Variants in REV3L observed in about 807,000 individuals in gnomAD.
REV3L encodes REV3 like, DNA directed polymerase zeta catalytic subunit, also known as DNA polymerase zeta catalytic subunit.
REV3L carries 69 observed loss-of-function variants against 299.4 expected under a neutral mutation model. The observed-to-expected ratio is 0.23, with a 90% confidence interval of 0.19 to 0.28. REV3L has a LOEUF of 0.28. REV3L is among the 10% of genes least tolerant of loss of function. The pLI is 1.00. For missense variants in REV3L, 3,128 were observed against 3,693.8 expected, an observed-to-expected ratio of 0.85 and a Z score of 3.97; for synonymous variants, 1,238 against 1,271.4, an observed-to-expected ratio of 0.97 and a Z score of 0.56.
At chr6:111,475,020 CACAT>C (rs1487795108) in intron 1 of REV3L, among the ~76,000 whole-genome samples, 45 of 137,198 alleles carry the variant, frequency 3.3e-4, no homozygotes, top group African/African-American at 1.0e-3. Flanking sequence ...CACACACACA[CACAT>C]ATGGATTTTA....
At chr6:111,457,698 C>A (rs962856072) in intron 1 of REV3L, among the ~76,000 whole-genome samples, 2 of 151,502 alleles carry the variant, frequency 1.3e-5, no homozygotes, top group Non-Finnish European at 3.0e-5. Flanking sequence ...ACAAAGCATA[C>A]AAGAGCAATT....
At chr6:111,405,864 C>A (rs1783562368) in intron 3 of REV3L, among the ~76,000 whole-genome samples, 1 of 151,664 alleles carries the variant, frequency 6.6e-6, no homozygotes. Flanking sequence ...TTGTCTTAAA[C>A]CAATTTGATA....
In REV3L at chr6:111,482,654, C is replaced by T. The variant is rs545747752; in HGVS notation, c.139+96G>A. On this transcript the variant is annotated intron_variant, in intron 1 of 31. Transcript: ENST00000368802. ...ACGCGGCAGCGATCCACGGAGACGG[C>T]CGGCGCCGGTGGCGTGTGCGCGTGT... The T allele has an allele frequency of 6.7e-4, 505 of 751,700 alleles. 2 individuals carry two copies. In the African/African-American group the frequency reaches 9.1e-3, roughly 14 times the overall value. 46.6% of individuals were successfully genotyped at this position (751,700 alleles called of 1,614,324 possible).
rs530148732 is a variant in REV3L, at chr6:111,446,841, G to A, written c.140-30369C>T. ...CTAGTATTTGATACTGAGATTAGTG[G>A]CTATGGCATTTTAAAGAGATAGGCA... On this transcript the variant is annotated intron_variant, in intron 1 of 31. Coordinates refer to ENST00000368802, the MANE Select transcript of REV3L (RefSeq NM_001372078.1). Among the ~76,000 whole-genome samples, 4 of 152,208 alleles carry A rather than the reference G, an allele frequency of 2.6e-5. 1 individual carries two copies. Among genetic ancestry groups the A allele is most frequent in the East Asian group, 1.9e-4 (1 of 5,184 alleles).
At chr6:111,321,478 A>C (rs1774186073) in intron 26 of REV3L, among the ~76,000 whole-genome samples, 1 of 152,178 alleles carries the variant, frequency 6.6e-6, no homozygotes, top group Admixed American at 6.5e-5. Flanking sequence ...ATTTTGCTGG[A>C]ATACCCAGCA....
chr6:111,374,128 T>G lies in REV3L; in HGVS notation c.4227A>C (p.Ser1409=), dbSNP rs376857060. Residue 1409 remains serine (S), a synonymous_variant, in exon 13 of 32, where the codon TCA becomes TCC. Coordinates refer to ENST00000368802, the MANE Select transcript of REV3L (RefSeq NM_001372078.1). ...KLSEYRNSLE[S]KLDQAYTPNF... ...TAGGGGTATATGCTTGGTCCAGCTT[T>G]GATTCTAGGGAATTGCGATATTCAC... 6.2e-7 allele frequency: 1 copy of G among 1,614,194 alleles called. No homozygotes were observed. Among genetic ancestry groups the G allele is most frequent in the Non-Finnish European group, 8.5e-7 (1 of 1,180,008 alleles).
chr6:111,408,109 C>T lies in REV3L; in HGVS notation c.405-2479G>A, dbSNP rs534038107. Among the ~76,000 whole-genome samples the T allele has an allele frequency of 5.9e-4, 90 of 152,130 alleles. No homozygotes were observed. The South Asian group carries it at 8.7e-3, about 15-fold the overall frequency. Reference sequence around the variant, plus strand: ...AATTGGAAAGAAAGACGGGAATAGCCGACAGATGGAAGCGATCCTTGAAAA... The same window carrying T: ...AATTGGAAAGAAAGACGGGAATAGCTGACAGATGGAAGCGATCCTTGAAAA... On this transcript the variant is annotated intron_variant, in intron 3 of 31. Coordinates refer to ENST00000368802, the MANE Select transcript of REV3L (RefSeq NM_001372078.1).
intron 3 of REV3L, among the ~76,000 whole-genome samples, chr6:111,408,700 C>G (rs1174666789): frequency 6.6e-6 from 1 of 152,160 alleles, no homozygotes; most frequent in Non-Finnish European, 1.5e-5. Flanking sequence ...TGGTTTATAT[C>G]TACTGATATT....
In REV3L at chr6:111,376,096, A is replaced by G. The variant is rs773554677; in HGVS notation, c.2259T>C (p.Asn753=). ...TATTAAGAGAATGCACCATAGTTCT[A>G]TTCTCCCCTGAGCATGACAGTAATT... ...NCELLSCSGE[N]RTMVHSLNST... Residue 753 remains asparagine, a synonymous_variant, in exon 13 of 32, where the codon AAT becomes AAC. Transcript: ENST00000368802. 4.3e-6 allele frequency: 7 copies of G among 1,613,568 alleles called. No individual in the cohort carries two copies. The highest frequency in any genetic ancestry group is 5.9e-6 in the Non-Finnish European group (7 of 1,179,936).
intron 1 of REV3L, among the ~76,000 whole-genome samples, chr6:111,450,084 TAAG>T (rs2128315373): frequency 6.6e-6 from 1 of 152,190 alleles, no homozygotes; most frequent in East Asian, 1.9e-4. Context: ...TGAGTAGAAC[TAAG>T]AATATATCAG....
At chr6:111,456,889 T>A (rs1790224213) in intron 1 of REV3L, among the ~76,000 whole-genome samples, 1 of 152,124 alleles carries the variant, frequency 6.6e-6, no homozygotes, top group Non-Finnish European at 1.5e-5. Context: ...GAAACCAGAA[T>A]AACTCTCATT....
intron 1 of REV3L, among the ~76,000 whole-genome samples, chr6:111,442,349 A>G (rs938795252): frequency 7.9e-5 from 12 of 151,978 alleles, no homozygotes; most frequent in African/African-American, 2.9e-4. Flanking sequence ...AGTTTTTTGA[A>G]CTTTTTGTCT....
chr6:111,431,335 A>G lies in REV3L; in HGVS notation c.140-14863T>C. On this transcript the variant is annotated intron_variant, in intron 1 of 31. Coordinates refer to ENST00000368802, the MANE Select transcript of REV3L (RefSeq NM_001372078.1). ...CAAAAGAAATGGAGATTACAGAAGT[A>G]GAGCCACCAGGATGTCTGGACTCCA... 2.8e-6 allele frequency: 3 copies of G among 1,077,418 alleles called. No homozygotes were observed. The South Asian group carries it at 3.7e-5, about 13-fold the overall frequency. 66.7% of individuals were successfully genotyped at this position (1,077,418 alleles called of 1,614,324 possible).
chr6:111,381,443 A>G lies in REV3L; in HGVS notation c.1098T>C (p.Gly366=). Residue 366 remains glycine (G), a splice_region_variant and synonymous_variant, in exon 10 of 32, where the codon GGT becomes GGC. Transcript: ENST00000368802. Reference sequence around the variant, plus strand: ...CTTCTTCCACTTTGTGTCTAGTGTGACCTTAATTTGACAAAGAATAAAAAA... The same window carrying G: ...CTTCTTCCACTTTGTGTCTAGTGTGGCCTTAATTTGACAAAGAATAAAAAA... ...EVHKDKESSK[G]HTRHKVEEAL... 6.3e-7 allele frequency: 1 copy of G among 1,599,302 alleles called. No homozygotes were observed. Among genetic ancestry groups the G allele is most frequent in the South Asian group, 1.1e-5 (1 of 87,882 alleles).
At chr6:111,382,744 TGA>T (rs750410450) in intron 9 of REV3L, among the ~76,000 whole-genome samples, 19 of 152,176 alleles carry the variant, frequency 1.2e-4, no homozygotes, top group Non-Finnish European at 2.1e-4. Context: ...ACGCGCCTGG[TGA>T]GAGAGTAGCT....
At chr6:111,347,205 G>A (rs1777117305) in intron 20 of REV3L, among the ~76,000 whole-genome samples, 1 of 151,938 alleles carries the variant, frequency 6.6e-6, no homozygotes, top group South Asian at 2.1e-4. Context: ...GGAGGCGGAG[G>A]TTGCGGTGAG....
chr6:111,373,673 A>G lies in REV3L; in HGVS notation c.4682T>C (p.Ile1561Thr). 1.2e-6 allele frequency: 2 copies of G among 1,613,970 alleles called. No homozygotes were observed. Among genetic ancestry groups the G allele is most frequent in the Non-Finnish European group, 1.7e-6 (2 of 1,179,986 alleles). ...TTTGTTATGCTCAAGGGAACCAGAAATATTTTTATTTGGTTGATGTTTATT... is the reference window on the plus strand; with the variant it reads ...TTTGTTATGCTCAAGGGAACCAGAAGTATTTTTATTTGGTTGATGTTTATT... ...LSNKHQPNKN[I>T]SGSLEHNKAN... is the part of the protein sequence containing the mutation. Residue 1561 changes from isoleucine (I) to threonine (T), a missense_variant, in exon 13 of 32, where the codon ATT (isoleucine) becomes ACT (threonine). Ile to Thr is a moderately conservative substitution (Grantham distance 89). Transcript: ENST00000368802.
intron 26 of REV3L, 151 bp from the exon 27 acceptor site, chr6:111,315,532 C>T (rs1383302146): frequency 3.3e-6 from 2 of 604,874 alleles, no homozygotes; most frequent in African/African-American, 3.7e-5. Context: ...TATGTAAGCT[C>T]TCCTGTTTTA....
intron 1 of REV3L, among the ~76,000 whole-genome samples, chr6:111,448,442 G>C (rs115710682): frequency 0.036 from 5,454 of 151,844 alleles, 322 homozygotes; most frequent in African/African-American, 0.12. Flanking sequence ...AGGCTCAGAT[G>C]ATCCACCTCA....
Sources: allele counts gnomAD v4.1 joint callset (sites outside exome capture counted in the v4.1 genomes callset), GRCh38; gene constraint gnomAD v4.1.1; transcripts MANE v1.5; gene names NCBI Gene and HGNC (gene_info 2026-07-23, HGNC 2026-07-21).